The following SIM1 variants were observed in gnomAD, a reference collection of about 807,000 sequenced individuals.
SIM1 encodes single-minded homolog 1.
Under a neutral mutation model 78.2 loss-of-function variants are expected in SIM1, and 18 were observed. The ratio of observed to expected loss-of-function variants is 0.23; its 90% CI spans 0.16 to 0.34. The LOEUF is 0.34. Among genes scored for constraint, SIM1 ranks in the 10% least tolerant of loss-of-function variants. The pLI is 1.00. For synonymous variants in SIM1, 417 were observed against 385.2 expected, an observed-to-expected ratio of 1.08 and a Z score of -0.97; for missense variants, 939 against 975.1, an observed-to-expected ratio of 0.96 and a Z score of 0.49.
intron 11 of SIM1, among the ~76,000 whole-genome samples, chr6:100,392,137 G>A (rs1430723641): frequency 6.6e-6 from 1 of 152,162 alleles, no homozygotes; most frequent in Admixed American, 6.5e-5. Flanking sequence ...TCGCGCCATT[G>A]CACTCCAGCC....
rs566075472 is a variant in SIM1 at position 100,420,856 on chromosome 6, G to A, written c.1101C>T (p.Asn367=). Residue 367 remains asparagine, a synonymous_variant, in exon 10 of 12, where the codon AAC becomes AAT. Coordinates refer to ENST00000369208, the MANE Select transcript of SIM1 (RefSeq NM_005068.3). The part of the protein sequence containing the change: ...TSSSTPTMTD[N]RKGAKSRLSS... ...AGAGCCGGGATTTGGCCCCCTTTCTGTTGTCAGTCATGGTGGGGGTGGAGC... is the reference window on the plus strand; with the variant it reads ...AGAGCCGGGATTTGGCCCCCTTTCTATTGTCAGTCATGGTGGGGGTGGAGC... The A allele has an allele frequency of 1.2e-6, 2 of 1,613,970 alleles. No homozygotes were observed. The highest frequency in any genetic ancestry group is 1.3e-5 in the African/African-American group (1 of 74,910).
chr6:100,461,631 A>G (rs1772848658), intron 2 of SIM1, among the ~76,000 whole-genome samples: 1 of 152,248 alleles, frequency 6.6e-6, no homozygotes, highest in South Asian at 2.1e-4. Context: ...CCTGTTAGGA[A>G]CAGTGCGGCC....
chr6:100,452,174 A>G (rs1772528626), intron 3 of SIM1, among the ~76,000 whole-genome samples: 1 of 152,178 alleles, frequency 6.6e-6, no homozygotes, highest in Non-Finnish European at 1.5e-5. Flanking sequence ...TTAAATCATC[A>G]GTGTCACCTC....
intron 2 of SIM1, among the ~76,000 whole-genome samples, chr6:100,455,551 G>A (rs1041783715): frequency 1.3e-5 from 2 of 152,236 alleles, no homozygotes; most frequent in South Asian, 4.1e-4. Flanking sequence ...CTCAGAAGGA[G>A]TGACAGGAGG....
At chr6:100,448,786 G>A in intron 6 of SIM1, 108 bp from the exon 7 acceptor site, 1 of 968,068 alleles carries the variant, frequency 1.0e-6, no homozygotes, top group South Asian at 1.6e-5. Flanking sequence ...CCAAAGCAGT[G>A]CTGACCACGC....
intron 10 of SIM1, among the ~76,000 whole-genome samples, chr6:100,412,663 G>A (rs1426823400): frequency 2.5e-5 from 3 of 118,248 alleles, no homozygotes; most frequent in African/African-American, 3.3e-5. Context: ...GAAAGAGAGA[G>A]AGAGAGAGAG....
Position 100,412,583 on chromosome 6 carries a change from G to GAA in SIM1, c.1167+8205_1167+8206dup, listed in dbSNP as rs1491469847. ...AGAAAGAAAGAAAGAAAGAAAGAAA[G>GAA]AAAGAAAGAAAGAAAGAAAGAAAGA... On this transcript the variant is annotated intron_variant, in intron 10 of 11. Coordinates refer to ENST00000369208, the MANE Select transcript of SIM1 (RefSeq NM_005068.3). Among the ~76,000 whole-genome samples, 211 of 84,524 alleles carry GAA rather than the reference G, an allele frequency of 2.5e-3. 13 individuals carry two copies. The highest frequency in any genetic ancestry group is 2.4e-3 in the Admixed American group (18 of 7,554). The allele number at this position is 84,524 out of a possible 152,430, so 55.5% of individuals were successfully genotyped here.
At chr6:100,451,437 A>C (rs2114545115) in intron 3 of SIM1, among the ~76,000 whole-genome samples, 1 of 152,334 alleles carries the variant, frequency 6.6e-6, no homozygotes, top group East Asian at 1.9e-4. Context: ...TGGAGCTTGA[A>C]ATGTCAATTT....
chr6:100,459,131 C>A (rs1322335630), intron 2 of SIM1, among the ~76,000 whole-genome samples: 2 of 152,188 alleles, frequency 1.3e-5, no homozygotes, highest in Non-Finnish European at 2.9e-5. Context: ...TAGATTTGTT[C>A]TTTAGAAATT....
chr6:100,387,465 A>G lies in SIM1; in HGVS notation c.*2896T>C, dbSNP rs1440823797. ...TTAACACATTCACATGTATATTAAG[A>G]AAGTACATTGTCATCAAATGTCTTA... On this transcript the variant is annotated 3_prime_UTR_variant, in exon 12 of 12. Coordinates refer to ENST00000369208, the MANE Select transcript of SIM1 (RefSeq NM_005068.3). 2 of 152,100 alleles carry G rather than the reference A, an allele frequency of 1.3e-5. No homozygotes were observed. The highest frequency in any genetic ancestry group is 2.9e-5 in the Non-Finnish European group (2 of 67,936). The allele number at this position is 152,100 out of a possible 1,614,324, so 9.4% of individuals were successfully genotyped here.
At chr6:100,447,642 T>A (rs1326039979) in intron 8 of SIM1, among the ~76,000 whole-genome samples, 1 of 152,230 alleles carries the variant, frequency 6.6e-6, no homozygotes, top group Non-Finnish European at 1.5e-5. Context: ...GGTGGCCAGA[T>A]GTCTTCACCA....
intron 9 of SIM1, among the ~76,000 whole-genome samples, chr6:100,435,074 T>C (rs777344412): frequency 6.6e-6 from 1 of 152,172 alleles, no homozygotes; most frequent in Non-Finnish European, 1.5e-5. Context: ...ATCATGACTG[T>C]TGATGCTAAA....
At chr6:100,412,777 G>A (rs1334041359) in intron 10 of SIM1, among the ~76,000 whole-genome samples, 1 of 151,840 alleles carries the variant, frequency 6.6e-6, no homozygotes, top group Non-Finnish European at 1.5e-5. Flanking sequence ...AAGAAAGGGA[G>A]AAAGAGAGAA....
intron 9 of SIM1, among the ~76,000 whole-genome samples, chr6:100,445,296 G>A (rs1396391245): frequency 1.3e-5 from 2 of 152,196 alleles, no homozygotes; most frequent in Admixed American, 1.3e-4. Flanking sequence ...AATTGAAGCT[G>A]AGACTCATAA....
intron 8 of SIM1, 132 bp from the exon 9 acceptor site, chr6:100,447,547 A>C: frequency 1.0e-6 from 1 of 987,620 alleles, no homozygotes. Context: ...AGAGAGAGAG[A>C]GACGACAGGC....
chr6:100,458,039 TCTCTCTCTC>T (rs1772729559), intron 2 of SIM1, among the ~76,000 whole-genome samples: 1 of 94,724 alleles, frequency 1.1e-5, no homozygotes. Context: ...TCTCTCTCTC[TCTCTCTCTC>T]TCTCTCTCTC....
At chr6:100,453,531 C>T (rs1265241433) in intron 3 of SIM1, among the ~76,000 whole-genome samples, 1 of 152,132 alleles carries the variant, frequency 6.6e-6, no homozygotes, top group Non-Finnish European at 1.5e-5. Flanking sequence ...TCTCACTTGT[C>T]ACCTTGCCTC....
chr6:100,404,034 A>C (rs1192088345), intron 10 of SIM1, among the ~76,000 whole-genome samples: 1 of 152,224 alleles, frequency 6.6e-6, no homozygotes, highest in Non-Finnish European at 1.5e-5. Flanking sequence ...CCCCCTATGC[A>C]GTAATAGATT....
intron 9 of SIM1, among the ~76,000 whole-genome samples, chr6:100,424,739 C>T (rs939155073): frequency 2.0e-5 from 3 of 152,042 alleles, no homozygotes; most frequent in South Asian, 2.1e-4. Flanking sequence ...CCATGATGAG[C>T]CTTGGATTTG....
Sources: allele counts gnomAD v4.1 joint callset (sites outside exome capture counted in the v4.1 genomes callset), GRCh38; gene constraint gnomAD v4.1.1; transcripts MANE v1.5; gene names NCBI Gene and HGNC (gene_info 2026-07-23, HGNC 2026-07-21).